The following RALGAPA2 variants were observed in gnomAD, a reference collection of about 807,000 sequenced individuals.
The protein encoded by RALGAPA2 is ral GTPase-activating protein subunit alpha-2.
A neutral mutation model predicts 230.4 loss-of-function variants in RALGAPA2; 139 were observed. The ratio of observed to expected loss-of-function variants is 0.60; its 90% CI spans 0.53 to 0.69. The LOEUF (loss-of-function observed/expected upper bound fraction) is 0.69, where lower values mean the gene tolerates loss of function less well. Ranked by LOEUF, RALGAPA2 falls within the 30% of genes least tolerant of loss-of-function variation. The pLI is 0.00. For missense variants in RALGAPA2, 2,163 were observed against 2,276.0 expected (o/e 0.95, Z 1.01); for synonymous variants, 847 against 837.8 (o/e 1.01, Z -0.19).
chr20:20,464,491 T>C (rs191175080), intron 37 of RALGAPA2, among the ~76,000 whole-genome samples: 1 of 152,348 alleles, frequency 6.6e-6, no homozygotes, highest in East Asian at 1.9e-4. Context: ...AGAGAGTCAC[T>C]CCTTTCTCAG....
At chr20:20,694,061 G>A (rs2069015978) in intron 1 of RALGAPA2, among the ~76,000 whole-genome samples, 1 of 151,752 alleles carries the variant, frequency 6.6e-6, no homozygotes, top group Admixed American at 6.6e-5. Flanking sequence ...CCATGATTGA[G>A]CCACTGCACT....
At chr20:20,635,289 A>G (rs2066819734) in intron 9 of RALGAPA2, 129 bp downstream of exon 9, 1 of 984,950 alleles carries the variant, frequency 1.0e-6, no homozygotes, top group East Asian at 2.5e-5. Flanking sequence ...AGGGTAGGCC[A>G]ATAAAATCAC....
intron 15 of RALGAPA2, among the ~76,000 whole-genome samples, chr20:20,603,256 C>A (rs547230880): frequency 5.9e-5 from 9 of 152,342 alleles, no homozygotes; most frequent in Admixed American, 2.6e-4. Context: ...AACTGTTCCA[C>A]TGGATTGCCA....
In RALGAPA2 at chr20:20,620,591, T is replaced by C. The variant is rs774369698; in HGVS notation, c.1273A>G (p.Lys425Glu). 6.2e-7 allele frequency: 1 copy of C among 1,613,354 alleles called. No homozygotes were observed. Among genetic ancestry groups the C allele is most frequent in the Admixed American group, 1.7e-5 (1 of 59,854 alleles). The change falls in exon 11 of 40, where the codon AAA (lysine) becomes GAA (glutamate). Residue 425 changes from lysine (K) to glutamate (E), a missense_variant. Transcript: ENST00000202677. The stretch of plus-strand genomic sequence containing the variant: ...CACTTTCTGTACACTTGAACTACTT[T>C]TCTTGTTACAGCTATCTCACAGGAA... ...LPSCEIAVTR[K>E]VVQVYRKWIL... is the part of the protein sequence containing the mutation.
chr20:20,393,590 T>C (rs1383229763), intron 39 of RALGAPA2, among the ~76,000 whole-genome samples: 2 of 152,150 alleles, frequency 1.3e-5, no homozygotes, highest in Admixed American at 1.3e-4. Context: ...GAAGAAGCAG[T>C]GGCTGGAGTC....
chr20:20,476,794 T>C (rs530367012), intron 36 of RALGAPA2, among the ~76,000 whole-genome samples: 4 of 152,120 alleles, frequency 2.6e-5, no homozygotes, highest in South Asian at 2.1e-4. Context: ...AAGTTATATA[T>C]AGTCACCAAA....
chr20:20,407,092 C>T (rs1461947442), intron 38 of RALGAPA2, among the ~76,000 whole-genome samples: 1 of 152,112 alleles, frequency 6.6e-6, no homozygotes, highest in East Asian at 1.9e-4. Flanking sequence ...TTGCCCATGA[C>T]CTTCGGTGGT....
intron 37 of RALGAPA2, among the ~76,000 whole-genome samples, chr20:20,464,795 A>G (rs1490227274): frequency 6.6e-6 from 1 of 152,106 alleles, no homozygotes; most frequent in Non-Finnish European, 1.5e-5. Flanking sequence ...TATGCACAAA[A>G]CACCCAGTAA....
intron 4 of RALGAPA2, among the ~76,000 whole-genome samples, chr20:20,645,636 G>T (rs955355020): frequency 5.9e-5 from 9 of 152,130 alleles, no homozygotes; most frequent in African/African-American, 2.2e-4. Flanking sequence ...AGTCTATTCT[G>T]TTGTAGTGAA....
Position 20,712,249 on chromosome 20 carries a change from G to A in RALGAPA2, c.106+126C>T. The A allele has an allele frequency of 1.1e-6, 1 of 906,620 alleles. No individual in the cohort carries two copies. Among genetic ancestry groups the A allele is most frequent in the Non-Finnish European group, 1.6e-6 (1 of 627,962 alleles). The allele number at this position is 906,620 out of a possible 1,614,324, so 56.2% of individuals were successfully genotyped here. ...GGGGTCCAAGCCCAGATCCAGGGAA[G>A]GGGGTCGGACGCCCACCCATCCCCC... On this transcript the variant is annotated intron_variant, in intron 1 of 39. Coordinates refer to ENST00000202677, the MANE Select transcript of RALGAPA2 (RefSeq NM_020343.4). The surrounding 1 kb of genome is among the most constrained non-coding windows in gnomAD (Gnocchi z 5.5).
chr20:20,474,656 C>T (rs2061611660), intron 36 of RALGAPA2, among the ~76,000 whole-genome samples: 1 of 152,220 alleles, frequency 6.6e-6, no homozygotes, highest in East Asian at 1.9e-4. Context: ...AGAGAGGTGT[C>T]AAGGATGATG....
chr20:20,504,334 T>C (rs1265813077), intron 34 of RALGAPA2, among the ~76,000 whole-genome samples: 1 of 152,226 alleles, frequency 6.6e-6, no homozygotes, highest in Non-Finnish European at 1.5e-5. Context: ...TCGTTTTGAC[T>C]CTGATGTACT....
At chr20:20,601,422 AT>A (rs2065649261) in intron 16 of RALGAPA2, among the ~76,000 whole-genome samples, 1 of 152,232 alleles carries the variant, frequency 6.6e-6, no homozygotes, top group Admixed American at 6.5e-5. Flanking sequence ...CAAAACCTGT[AT>A]TTTCTCTATT....
chr20:20,612,778 T>TTG (rs1157467166), intron 13 of RALGAPA2, among the ~76,000 whole-genome samples: 1 of 152,176 alleles, frequency 6.6e-6, no homozygotes, highest in Non-Finnish European at 1.5e-5. Flanking sequence ...GGGGGACAGC[T>TTG]TGTCGCTCAT....
intron 10 of RALGAPA2, among the ~76,000 whole-genome samples, chr20:20,624,676 A>G (rs1320548469): frequency 6.6e-6 from 1 of 152,228 alleles, no homozygotes; most frequent in Non-Finnish European, 1.5e-5. Flanking sequence ...CCATAGTGCT[A>G]TCTAAAATTA....
At chr20:20,513,713 G>A (rs2062787299) in intron 31 of RALGAPA2, among the ~76,000 whole-genome samples, 1 of 152,202 alleles carries the variant, frequency 6.6e-6, no homozygotes, top group African/African-American at 2.4e-5. Context: ...ACTTGGAGGT[G>A]CTGAGAGGAA....
chr20:20,508,775 T>C (rs553985599), intron 33 of RALGAPA2, among the ~76,000 whole-genome samples: 9 of 151,968 alleles, frequency 5.9e-5, no homozygotes, highest in Non-Finnish European at 1.0e-4. Flanking sequence ...GACTTATTTC[T>C]AGTTTCTTCA....
intron 37 of RALGAPA2, among the ~76,000 whole-genome samples, chr20:20,418,800 G>A (rs979782778): frequency 6.6e-6 from 1 of 152,072 alleles, no homozygotes; most frequent in Non-Finnish European, 1.5e-5. Flanking sequence ...GTGCAGTGGA[G>A]CCATCATAGC....
chr20:20,505,902 C>A (rs545273024), intron 33 of RALGAPA2, among the ~76,000 whole-genome samples: 181 of 152,242 alleles, frequency 1.2e-3, no homozygotes, highest in African/African-American at 4.1e-3. Context: ...TTGGTAAGTT[C>A]TCTGTTTTTG....
Sources: gnomAD v4.1 joint callset for allele counts (sites outside exome capture counted in the v4.1 genomes callset) on GRCh38, gnomAD v4.1.1 for gene constraint, Gnocchi (gnomAD v3.1) non-coding constraint, MANE v1.5 for transcripts, NCBI Gene and HGNC (gene_info 2026-07-23, HGNC 2026-07-21) for gene names.